Variants in CTBP1 observed in about 807,000 individuals in gnomAD.
The protein encoded by CTBP1 is C-terminal-binding protein 1.
CTBP1 carries 11 observed loss-of-function variants against 42.1 expected under a neutral mutation model. That is an observed-to-expected ratio of 0.26 (90% confidence interval 0.16 to 0.43). The LOEUF (loss-of-function observed/expected upper bound fraction) is 0.43. CTBP1 is among the 20% of genes least tolerant of loss of function. CTBP1 has a pLI of 1.00. For missense variants in CTBP1, 399 were observed against 624.3 expected (o/e 0.64, Z 3.85); for synonymous variants, 324 against 277.1 (o/e 1.17, Z -1.68).
At chr4:1,219,515 T>C (rs1435160403) in intron 5 of CTBP1, among the ~76,000 whole-genome samples, 3 of 152,202 alleles carry the variant, frequency 2.0e-5, no homozygotes, top group East Asian at 1.9e-4. Flanking sequence ...AATGGTGAAA[T>C]GTCAGAAACT....
At chr4:1,245,782 A>G (rs1290752603) in intron 1 of CTBP1, among the ~76,000 whole-genome samples, 1 of 152,082 alleles carries the variant, frequency 6.6e-6, no homozygotes, top group South Asian at 2.1e-4. Flanking sequence ...GGGCCACACC[A>G]GGCCTGGAGA....
intron 1 of CTBP1, chr4:1,242,267 G>C (rs1732256231): frequency 1.0e-6 from 1 of 985,300 alleles, no homozygotes; most frequent in Non-Finnish European, 1.2e-6. Context: ...GCCCTCGGGA[G>C]GGTGTCACTG....
chr4:1,244,890 G>A, intron 1 of CTBP1: 1 of 985,446 alleles, frequency 1.0e-6, no homozygotes, highest in Non-Finnish European at 1.2e-6. Context: ...ATGAACGAAG[G>A]CTGTGCACAG....
At chr4:1,237,475 C>T (rs1731656790) in intron 3 of CTBP1, 2 of 684,838 alleles carry the variant, frequency 2.9e-6, no homozygotes, top group Admixed American at 2.0e-5. Context: ...CGGTGTTCAC[C>T]TCCTGATGGT....
intron 5 of CTBP1, chr4:1,217,602 G>A (rs1162761899): frequency 6.6e-6 from 1 of 152,278 alleles, no homozygotes; most frequent in African/African-American, 2.4e-5. Flanking sequence ...CCGGAAGTCG[G>A]GCTGCCGGTG....
At chr4:1,241,790 G>C in intron 1 of CTBP1, 1 of 1,183,760 alleles carries the variant, frequency 8.4e-7, no homozygotes, top group Non-Finnish European at 1.1e-6. Context: ...CAGTCCCCCA[G>C]GGCTGCGGCC....
At chr4:1,243,537 C>T in intron 1 of CTBP1, 1 of 985,398 alleles carries the variant, frequency 1.0e-6, no homozygotes. Flanking sequence ...TGGGGTAGGT[C>T]TGCCCACCAT....
rs1234269129 is a variant in CTBP1 at position 1,211,865 on chromosome 4, CA to C, written c.*374del. ...TCATTCTGGGGCACGTTCCAACATA[CA>C]AAAAAAAAAAAAACAAAAAAAAAAA... On this transcript the variant is annotated 3_prime_UTR_variant, in exon 10 of 10. Coordinates refer to ENST00000382952, the MANE Select transcript of CTBP1 (RefSeq NM_001012614.2). The C allele has an allele frequency of 5.0e-3, 562 of 112,136 alleles. 1 individual carries two copies. Among genetic ancestry groups the C allele is most frequent in the Middle Eastern group, 0.035 (7 of 198 alleles). The allele number at this position is 112,136 out of a possible 1,614,324, so 6.9% of individuals were successfully genotyped here. A position where few individuals can be genotyped will look rare whatever the true frequency, so the allele number is the denominator to read the frequency against.
At chr4:1,212,456 C>G in intron 9 of CTBP1, 33 bp from the exon 10 acceptor site, 2 of 1,406,710 alleles carry the variant, frequency 1.4e-6, no homozygotes, top group Non-Finnish European at 1.8e-6. Context: ...TGAGGCCCAC[C>G]TGTAGGCGGC....
upstream of CTBP1, chr4:1,249,697 G>T: frequency 2.4e-6 from 1 of 411,874 alleles, no homozygotes; most frequent in Admixed American, 2.7e-5. Flanking sequence ...AAGCGCGCCT[G>T]CCCCAGTGCG....
At chr4:1,213,956 G>C in intron 7 of CTBP1, 1 of 403,574 alleles carries the variant, frequency 2.5e-6, no homozygotes, top group Non-Finnish European at 4.4e-6. Flanking sequence ...GTCTCCTCTT[G>C]CGGCTGAACA....
At chr4:1,220,289 CAAA>C (rs796075205) in intron 5 of CTBP1, among the ~76,000 whole-genome samples, 1 of 114,460 alleles carries the variant, frequency 8.7e-6, no homozygotes, top group Non-Finnish European at 1.9e-5. Flanking sequence ...AGACTGTCTC[CAAA>C]AAAAAAAAAA....
intron 1 of CTBP1, chr4:1,244,747 C>T (rs1732543114): frequency 2.0e-6 from 2 of 985,200 alleles, no homozygotes; most frequent in Admixed American, 6.1e-5. Flanking sequence ...CTCGAGTGGC[C>T]CTCTCGTGAC....
intron 5 of CTBP1, chr4:1,217,690 A>C (rs899926678): frequency 1.3e-5 from 2 of 152,220 alleles, no homozygotes; most frequent in African/African-American, 4.8e-5. Flanking sequence ...GGGCGAGACC[A>C]TTCTTCACTT....
chr4:1,226,495 A>C (rs556289460), intron 4 of CTBP1, among the ~76,000 whole-genome samples: 86 of 151,726 alleles, frequency 5.7e-4, no homozygotes, highest in South Asian at 1.9e-3. Context: ...GCCCCTAGAC[A>C]CAACTCACTT....
At chr4:1,247,781 C>A in intron 1 of CTBP1, among the ~76,000 whole-genome samples, 1 of 149,606 alleles carries the variant, frequency 6.7e-6, no homozygotes, top group East Asian at 2.0e-4. Context: ...GGGGGGGGCT[C>A]GGGCTCAACG....
At chr4:1,241,667 G>T in intron 1 of CTBP1, 148 bp from the exon 2 acceptor site, 2 of 1,298,032 alleles carry the variant, frequency 1.5e-6, no homozygotes, top group Non-Finnish European at 2.0e-6. Flanking sequence ...TCGGGGGCCT[G>T]CTGACAGCCA....
rs746419297 is a variant in CTBP1, at chr4:1,214,360, G to A, written c.843C>T (p.His281=). The part of the protein sequence containing the change: ...GRIRGAALDV[H]ESEPFSFSQG... ...GGGGGCACCTGAAGGGTTCCGACTC[G>A]TGCACATCCAGGGCCGCGCCGCGGA... Residue 281 remains histidine (H), a synonymous_variant, in exon 7 of 10, where the codon CAC becomes CAT. Coordinates refer to ENST00000382952, the MANE Select transcript of CTBP1 (RefSeq NM_001012614.2). 370 of 1,567,078 alleles carry A rather than the reference G, an allele frequency of 2.4e-4. No homozygotes were observed. Among genetic ancestry groups the A allele is most frequent in the Non-Finnish European group, 3.0e-4 (349 of 1,162,742 alleles).
chr4:1,220,615 C>T (rs1159202532), intron 5 of CTBP1, among the ~76,000 whole-genome samples: 1 of 152,244 alleles, frequency 6.6e-6, no homozygotes, highest in African/African-American at 2.4e-5. Context: ...TCAAGGCTCA[C>T]AGCCGTGCAG....
Sources: allele counts gnomAD v4.1 joint callset (sites outside exome capture counted in the v4.1 genomes callset), GRCh38; gene constraint gnomAD v4.1.1; transcripts MANE v1.5; gene names NCBI Gene and HGNC (gene_info 2026-07-23, HGNC 2026-07-21).